ETV3: variants seen among roughly 807,000 people sequenced by gnomAD.
The protein encoded by ETV3 is ETS variant transcription factor 3.
A neutral mutation model predicts 33.0 loss-of-function variants in ETV3; 8 were observed. That is an observed-to-expected ratio of 0.24 (90% CI 0.14 to 0.44). ETV3 has a LOEUF of 0.44. Among genes scored for constraint, ETV3 ranks in the 20% least tolerant of loss-of-function variants. The probability of loss-of-function intolerance (pLI) is 1.00; values close to 1 mark genes in which losing one functional copy is unlikely to be tolerated. For synonymous variants in ETV3, 222 were observed against 238.9 expected (o/e 0.93, Z 0.65); for missense variants, 473 against 652.3 (o/e 0.73, Z 2.99).
chr1:157,129,201 G>T (rs1238010574), intron 4 of ETV3, among the ~76,000 whole-genome samples: 1 of 152,192 alleles, frequency 6.6e-6, no homozygotes, highest in African/African-American at 2.4e-5. Flanking sequence ...TATCTAAAGT[G>T]ATTTCTTTTA....
In ETV3 at chr1:157,125,006, C is replaced by A. The variant is rs750434785; in HGVS notation, c.1374G>T (p.Glu458Asp). 8 of 1,551,648 alleles carry A rather than the reference C, an allele frequency of 5.2e-6. No homozygotes were observed. The South Asian group carries it at 8.3e-5, about 16-fold the overall frequency. ...CTTCTTTCTTCTCAGGTGCACTGGGCTCTTTGCCAGGCCTATCCTCACTGT... is the reference window on the plus strand; with the variant it reads ...CTTCTTTCTTCTCAGGTGCACTGGGATCTTTGCCAGGCCTATCCTCACTGT... ...TEDSEDRPGKEPSAPEKKEDA... is the reference protein window; with the variant it reads ...TEDSEDRPGKDPSAPEKKEDA... Residue 458 changes from glutamate to aspartate, a missense_variant, in exon 5 of 5, where the codon GAG (glutamate) becomes GAT (aspartate). Glu to Asp is a conservative substitution (Grantham distance 45, BLOSUM62 2). Around this residue, in one of 3 missense-constraint regions of ETV3, gnomAD observed 410 missense variants for 520.2 expected, o/e 0.79. Transcript: ENST00000368192. The surrounding 1 kb of genome is among the most constrained non-coding windows in gnomAD (Gnocchi z 4.0).
rs779743240 is a variant in ETV3 at position 157,135,534 on chromosome 1, C to T, written c.221G>A (p.Arg74His). The T allele has an allele frequency of 1.2e-6, 2 of 1,613,986 alleles. No individual in the cohort carries two copies. The highest frequency in any genetic ancestry group is 1.1e-5 in the South Asian group (1 of 91,070). ...FVIKDPDEVA[R>H]LWGRRKCKPQ... ...TTTGCATTTCCTGCGGCCCCAGAGG[C>T]GGGCCACCTCATCTGGATCCTTGAT... The change falls in exon 3 of 5, where the codon CGC becomes CAC. Residue 74 changes from arginine to histidine, a missense_variant. This residue lies in a region of ETV3 where 30 missense variants were observed against 94.9 expected (regional missense o/e 0.32). Coordinates refer to ENST00000368192, the MANE Select transcript of ETV3 (RefSeq NM_001145312.3).
At position 157,125,829 on chromosome 1, in the gene ETV3, C is replaced by T. The variant is rs1260371700; in HGVS notation, c.551G>A (p.Gly184Asp). 2.6e-6 allele frequency: 4 copies of T among 1,551,602 alleles called. No homozygotes were observed. Among genetic ancestry groups the T allele is most frequent in the Non-Finnish European group, 3.5e-6 (4 of 1,147,012 alleles). Residue 184 changes from glycine (G) to aspartate (D), a missense_variant, in exon 5 of 5, where the codon GGT becomes GAT. Transcript: ENST00000368192. The surrounding 1 kb of genome is among the most constrained non-coding windows in gnomAD (Gnocchi z 4.0). ...TGAAAGCTCAGTCTTTCTATCAGTA[C>T]CATTACTGGACTCCTGGCCAGAAGC... is the stretch of plus-strand genomic sequence containing the variant. ...LTASGQESSN[G>D]TDRKTELSEL...
chr1:157,133,252 C>T (rs1193916387), intron 4 of ETV3: 2 of 225,090 alleles, frequency 8.9e-6, no homozygotes, highest in Non-Finnish European at 1.5e-5. Flanking sequence ...TAAACGTTAT[C>T]ACAGATACAT....
chr1:157,127,581 TG>T (rs1033184136), intron 4 of ETV3, among the ~76,000 whole-genome samples: 77 of 151,342 alleles, frequency 5.1e-4, no homozygotes, highest in Non-Finnish European at 8.1e-4. Flanking sequence ...GGTTTCACTC[TG>T]TTGCCCAGGC....
intron 4 of ETV3, among the ~76,000 whole-genome samples, chr1:157,131,734 T>C (rs191518654): frequency 6.6e-6 from 1 of 152,342 alleles, no homozygotes; most frequent in African/African-American, 2.4e-5. Context: ...GGCTGAAAAG[T>C]TGAATAACGT....
In ETV3 at chr1:157,124,771, G is replaced by GCA; in HGVS notation, c.*69_*70insTG. 1 of 111,184 alleles carries GCA rather than the reference G, an allele frequency of 9.0e-6. No homozygotes were observed. The highest frequency in any genetic ancestry group is 1.5e-4 in the Admixed American group (1 of 6,802). 6.9% of individuals were successfully genotyped at this position (111,184 alleles called of 1,614,324 possible). A position where few individuals can be genotyped will look rare whatever the true frequency, so the allele number is the denominator to read the frequency against. ...AGTTTAACTCCCTCCCCCCCACCCT[G>GCA]AAATCTTGCTACATAAATACATGTA... On this transcript the variant is annotated 3_prime_UTR_variant, in exon 5 of 5. Transcript: ENST00000368192.
At chr1:157,134,365 C>T (rs1675044594) in intron 3 of ETV3, 138 bp from the exon 4 acceptor site, 3 of 1,144,034 alleles carry the variant, frequency 2.6e-6, no homozygotes, top group Non-Finnish European at 3.6e-6. Flanking sequence ...GCAGCCTGGC[C>T]CTCCAGGTAG....
intron 4 of ETV3, among the ~76,000 whole-genome samples, chr1:157,129,857 T>G (rs1280760066): frequency 6.6e-6 from 1 of 152,152 alleles, no homozygotes; most frequent in African/African-American, 2.4e-5. Context: ...GTTTTGTTTT[T>G]TTTTTGGAGA....
Position 157,125,248 on chromosome 1 carries a change from G to A in ETV3, c.1132C>T (p.Pro378Ser). The change falls in exon 5 of 5, where the codon CCA (proline) becomes TCA (serine). Residue 378 changes from proline to serine, a missense_variant. By Grantham distance (74) the Pro-to-Ser change is moderately conservative. Around this residue, in one of 3 missense-constraint regions of ETV3, gnomAD observed 410 missense variants for 520.2 expected, o/e 0.79. Coordinates refer to ENST00000368192, the MANE Select transcript of ETV3 (RefSeq NM_001145312.3). This position sits in a 1 kb window ranked among gnomAD's most constrained non-coding sequence, Gnocchi z 4.0. ...GAGGCAGGTTCCACCTTGATTCTTG[G>A]GGGAATAGAAGCCATGGTGGGCGTG... ...VTTPTMASIP[P>S]RIKVEPASEK... 6.4e-7 allele frequency: 1 copy of A among 1,552,090 alleles called. No individual in the cohort carries two copies. Among genetic ancestry groups the A allele is most frequent in the East Asian group, 2.4e-5 (1 of 40,920 alleles).
intron 1 of ETV3, among the ~76,000 whole-genome samples, chr1:157,137,554 A>G (rs1675150218): frequency 6.6e-6 from 1 of 151,064 alleles, no homozygotes; most frequent in African/African-American, 2.4e-5. Context: ...TCACACACAC[A>G]CGAGATACAT....
chr1:157,137,463 G>A (rs1052205620), intron 1 of ETV3, among the ~76,000 whole-genome samples: 1 of 151,194 alleles, frequency 6.6e-6, no homozygotes, highest in Non-Finnish European at 1.5e-5. Context: ...ACTACTAGCG[G>A]CCGAGGACAA....
At chr1:157,136,105 A>G (rs1675102625) in intron 2 of ETV3, among the ~76,000 whole-genome samples, 1 of 152,198 alleles carries the variant, frequency 6.6e-6, no homozygotes, top group Non-Finnish European at 1.5e-5. Context: ...AAGAGACTCT[A>G]AAGCTTAGGA....
Position 157,125,258 on chromosome 1 carries a change from A to G in ETV3, c.1122T>C (p.Ala374=), listed in dbSNP as rs1208111223. Residue 374 remains alanine, a synonymous_variant, in exon 5 of 5, where the codon GCT becomes GCC. Coordinates refer to ENST00000368192, the MANE Select transcript of ETV3 (RefSeq NM_001145312.3). The surrounding 1 kb of genome is among the most constrained non-coding windows in gnomAD (Gnocchi z 4.0). ...CCACCTTGATTCTTGGGGGAATAGA[A>G]GCCATGGTGGGCGTGGTGACTGGTG... is the stretch of plus-strand genomic sequence containing the variant. ...ESAPVTTPTM[A]SIPPRIKVEP... is the part of the protein sequence containing the mutation. 48 of 1,552,174 alleles carry G rather than the reference A, an allele frequency of 3.1e-5. No homozygotes were observed. Among genetic ancestry groups the G allele is most frequent in the Non-Finnish European group, 4.2e-5 (48 of 1,147,100 alleles).
chr1:157,130,706 T>C (rs1221682863), intron 4 of ETV3, among the ~76,000 whole-genome samples: 10 of 152,212 alleles, frequency 6.6e-5, no homozygotes, highest in South Asian at 2.1e-4. Flanking sequence ...ACAGGGCCTA[T>C]TGTTATGACG....
At chr1:157,135,950 C>T (rs1411248340) in intron 2 of ETV3, among the ~76,000 whole-genome samples, 1 of 152,152 alleles carries the variant, frequency 6.6e-6, no homozygotes, top group Non-Finnish European at 1.5e-5. Context: ...CTAAGCTGAC[C>T]TTTTCATACA....
chr1:157,136,215 G>T, intron 2 of ETV3, 92 bp downstream of exon 2: 1 of 1,233,176 alleles, frequency 8.1e-7, no homozygotes, highest in Non-Finnish European at 1.2e-6. Flanking sequence ...GTCAGTCATG[G>T]TCTGACATTT....
intron 4 of ETV3, among the ~76,000 whole-genome samples, chr1:157,131,828 C>T (rs1466512194): frequency 6.6e-6 from 1 of 152,306 alleles, no homozygotes; most frequent in East Asian, 1.9e-4. Flanking sequence ...ATAAAGTTAC[C>T]TTAAACAACA....
rs1674774991 is a variant in ETV3, at chr1:157,124,365, C to T, written c.*476G>A. ...CTGAAATAATTATAAAGAAGCATTT[C>T]AGGCAAAATACTTAGTATTAATGGT... On this transcript the variant is annotated 3_prime_UTR_variant, in exon 5 of 5. Coordinates refer to ENST00000368192, the MANE Select transcript of ETV3 (RefSeq NM_001145312.3). 6.6e-6 allele frequency: 1 copy of T among 152,208 alleles called. No homozygotes were observed. Among genetic ancestry groups the T allele is most frequent in the Non-Finnish European group, 1.5e-5 (1 of 68,200 alleles). The allele number at this position is 152,208 out of a possible 1,614,324, so 9.4% of individuals were successfully genotyped here.
Sources: allele counts gnomAD v4.1 joint callset (sites outside exome capture counted in the v4.1 genomes callset), GRCh38; gene constraint gnomAD v4.1.1; regional missense constraint gnomAD v4.1.1; non-coding constraint Gnocchi (gnomAD v3.1); transcripts MANE v1.5; gene names NCBI Gene and HGNC (gene_info 2026-07-23, HGNC 2026-07-21).